The following UNC13C variants were observed in gnomAD, a reference collection of about 807,000 sequenced individuals.
The protein encoded by UNC13C is unc-13 homolog C.
In UNC13C, 174 loss-of-function variants were observed where a neutral mutation model predicts 245.4. The ratio of observed to expected loss-of-function variants is 0.71; its 90% CI spans 0.63 to 0.80. The LOEUF (loss-of-function observed/expected upper bound fraction) is 0.80, where lower values mean the gene tolerates loss of function less well. Among genes scored for constraint, UNC13C ranks in the 30% least tolerant of loss-of-function variants. The pLI, the probability that UNC13C is intolerant of heterozygous loss-of-function variation, is 0.00. For missense variants in UNC13C, 2,829 were observed against 2,602.9 expected, an observed-to-expected ratio of 1.09 and a Z score of -1.89; for synonymous variants, 992 against 895.1, an observed-to-expected ratio of 1.11 and a Z score of -1.93.
intron 29 of UNC13C, among the ~76,000 whole-genome samples, chr15:54,561,820 T>C (rs113130235): frequency 1.3e-5 from 2 of 152,050 alleles, no homozygotes; most frequent in African/African-American, 4.8e-5. Flanking sequence ...GAGTTCCAGT[T>C]ATTTAGTTCA....
chr15:54,091,086 T>C (rs1218092868), intron 2 of UNC13C, among the ~76,000 whole-genome samples: 2 of 151,788 alleles, frequency 1.3e-5, no homozygotes, highest in South Asian at 2.1e-4. Context: ...GGGGGTTGCC[T>C]CAGTATCCAA....
At chr15:54,355,614 T>A (rs2039077988) in intron 17 of UNC13C, among the ~76,000 whole-genome samples, 1 of 152,156 alleles carries the variant, frequency 6.6e-6, no homozygotes, top group Non-Finnish European at 1.5e-5. Context: ...CACTTCGGCC[T>A]CCCAAAGTGC....
intron 1 of UNC13C, among the ~76,000 whole-genome samples, chr15:53,981,417 C>A (rs112284974): frequency 6.6e-6 from 1 of 152,138 alleles, no homozygotes; most frequent in Non-Finnish European, 1.5e-5. Context: ...TTCTGAAATA[C>A]ACTTTTATAG....
rs568174335 is a variant in UNC13C, at chr15:54,110,388, C to A, written c.2984-32630C>A. 3.9e-5 allele frequency among the ~76,000 whole-genome samples: 6 copies of A among 152,150 alleles called. No individual in the cohort carries two copies. The East Asian group carries it at 9.7e-4, about 24-fold the overall frequency. On this transcript the variant is annotated intron_variant, in intron 2 of 32. Transcript: ENST00000260323. ...AAATATTCTATACCATATAGCAATA[C>A]CAATAGAGAAAAATATTATCATTCT...
intron 19 of UNC13C, among the ~76,000 whole-genome samples, chr15:54,450,498 T>G (rs1185736291): frequency 3.3e-5 from 5 of 152,228 alleles, no homozygotes; most frequent in Non-Finnish European, 7.3e-5. Flanking sequence ...GCCTCGCTGC[T>G]GCCTTGCAGA....
intron 4 of UNC13C, among the ~76,000 whole-genome samples, chr15:54,215,593 T>C (rs1215814831): frequency 1.3e-5 from 2 of 151,978 alleles, no homozygotes; most frequent in Non-Finnish European, 2.9e-5. Context: ...AAAGAGAAAG[T>C]AATTTAGTAG....
chr15:54,490,551 C>A (rs1482235241), intron 19 of UNC13C, among the ~76,000 whole-genome samples: 4 of 152,102 alleles, frequency 2.6e-5, no homozygotes, highest in African/African-American at 9.7e-5. Context: ...AGCAAATGAA[C>A]TGAAGGTCTT....
intron 2 of UNC13C, among the ~76,000 whole-genome samples, chr15:54,034,925 C>T (rs553650687): frequency 6.6e-6 from 1 of 152,140 alleles, no homozygotes; most frequent in Non-Finnish European, 1.5e-5. Flanking sequence ...TCCTTTTAAC[C>T]TACAGTTTGC....
chr15:54,525,707 A>G, intron 25 of UNC13C, 70 bp downstream of exon 25: 1 of 1,291,312 alleles, frequency 7.7e-7, no homozygotes, highest in South Asian at 1.3e-5. Context: ...CTTGCCTTCA[A>G]TGCTGTTTCC....
At chr15:53,934,546 A>T in the UNC13C span, among the ~76,000 whole-genome samples, 1 of 152,228 alleles carries the variant, frequency 6.6e-6, no homozygotes, top group African/African-American at 2.4e-5. Context: ...AATTAAAGAG[A>T]GTCAGCTATT....
chr15:54,429,723 G>A (rs542282137), intron 19 of UNC13C, among the ~76,000 whole-genome samples: 4 of 151,442 alleles, frequency 2.6e-5, no homozygotes, highest in African/African-American at 9.7e-5. Flanking sequence ...TATCTCCATG[G>A]GAATTTGATA....
chr15:54,499,153 C>A (rs1043577560), intron 20 of UNC13C, among the ~76,000 whole-genome samples: 2 of 152,058 alleles, frequency 1.3e-5, no homozygotes, highest in East Asian at 3.9e-4. Context: ...AGCTTTCAAT[C>A]ATGGCAAAAG....
At chr15:54,383,424 A>G (rs1364292627) in intron 17 of UNC13C, among the ~76,000 whole-genome samples, 1 of 152,196 alleles carries the variant, frequency 6.6e-6, no homozygotes, top group African/African-American at 2.4e-5. Context: ...CAGCAGAAGG[A>G]AAGACAAAAC....
At chr15:53,954,192 TATC>T in the UNC13C span, among the ~76,000 whole-genome samples, 4 of 152,240 alleles carry the variant, frequency 2.6e-5, no homozygotes, top group African/African-American at 9.6e-5. Flanking sequence ...TGGAAATGGT[TATC>T]ATCAGCTTAT....
chr15:54,302,096 A>C (rs1227154276), intron 13 of UNC13C, among the ~76,000 whole-genome samples: 1 of 152,034 alleles, frequency 6.6e-6, no homozygotes, highest in Non-Finnish European at 1.5e-5. Flanking sequence ...TTCTTTTGAG[A>C]AGTGTAAGTA....
chr15:54,201,944 CT>C (rs2034537831), intron 4 of UNC13C, among the ~76,000 whole-genome samples: 1 of 151,948 alleles, frequency 6.6e-6, no homozygotes, highest in Admixed American at 6.6e-5. Flanking sequence ...GCTTCTAGAA[CT>C]GGTAAATGAA....
chr15:54,408,199 CAAAAAAAA>C (rs71105808), intron 18 of UNC13C, among the ~76,000 whole-genome samples: 39 of 29,122 alleles, frequency 1.3e-3, no homozygotes, highest in African/African-American at 2.5e-3. Flanking sequence ...GACTCTGCCT[CAAAAAAAA>C]AAAAAAAAAA....
At chr15:54,244,626 T>C (rs953277930) in intron 7 of UNC13C, among the ~76,000 whole-genome samples, 11 of 152,222 alleles carry the variant, frequency 7.2e-5, no homozygotes, top group Non-Finnish European at 1.3e-4. Flanking sequence ...TTTGATTTGT[T>C]TGTTTCCTCT....
chr15:54,112,499 G>A (rs1032288771), intron 2 of UNC13C, among the ~76,000 whole-genome samples: 1 of 152,166 alleles, frequency 6.6e-6, no homozygotes, highest in African/African-American at 2.4e-5. Flanking sequence ...TACCTGGCCA[G>A]CGCCATGTTG....
Sources: allele counts gnomAD v4.1 joint callset (sites outside exome capture counted in the v4.1 genomes callset), GRCh38; gene constraint gnomAD v4.1.1; transcripts MANE v1.5; gene names NCBI Gene and HGNC (gene_info 2026-07-23, HGNC 2026-07-21).